EYA2: variants seen among roughly 807,000 people sequenced by gnomAD.
EYA2 encodes EYA transcriptional coactivator and phosphatase 2.
Under a neutral mutation model 69.2 loss-of-function variants are expected in EYA2, and 31 were observed. The ratio of observed to expected loss-of-function variants is 0.45; its 90% CI spans 0.34 to 0.60. EYA2 has a LOEUF of 0.60. Among genes scored for constraint, EYA2 ranks in the 20% least tolerant of loss-of-function variants. EYA2 has a pLI of 0.02. For missense variants in EYA2, 622 were observed against 701.2 expected (o/e 0.89, Z 1.28); for synonymous variants, 257 against 279.4 (o/e 0.92, Z 0.80).
At chr20:47,051,019 A>T (rs2030303649) in intron 5 of EYA2, among the ~76,000 whole-genome samples, 1 of 152,228 alleles carries the variant, frequency 6.6e-6, no homozygotes, top group Non-Finnish European at 1.5e-5. Flanking sequence ...ATCAGTTTGG[A>T]AAAGGTTGTC....
intron 1 of EYA2, among the ~76,000 whole-genome samples, chr20:46,939,600 T>C (rs146693467): frequency 1.3e-5 from 2 of 152,190 alleles, no homozygotes; most frequent in East Asian, 1.9e-4. Flanking sequence ...GACTAATACA[T>C]GCATCTTCCA....
At chr20:46,985,445 C>G (rs1405845546) in intron 1 of EYA2, among the ~76,000 whole-genome samples, 2 of 152,236 alleles carry the variant, frequency 1.3e-5, no homozygotes, top group Non-Finnish European at 1.5e-5. Flanking sequence ...TTAAAATCAA[C>G]AAATGCTGTT....
At chr20:47,162,885 T>C (rs2034099657) in intron 10 of EYA2, among the ~76,000 whole-genome samples, 1 of 152,122 alleles carries the variant, frequency 6.6e-6, no homozygotes, top group African/African-American at 2.4e-5. Context: ...CCAATCCCAG[T>C]GACTCCCCAT....
At chr20:46,944,193 G>C (rs1329499493) in intron 1 of EYA2, among the ~76,000 whole-genome samples, 1 of 152,176 alleles carries the variant, frequency 6.6e-6, no homozygotes, top group African/African-American at 2.4e-5. Context: ...AGGATGTCAT[G>C]GTCCTGTTTT....
chr20:47,159,375 C>A (rs1343245990), intron 10 of EYA2, among the ~76,000 whole-genome samples: 1 of 151,942 alleles, frequency 6.6e-6, no homozygotes, highest in Non-Finnish European at 1.5e-5. Flanking sequence ...AAACATTTTA[C>A]AAAATACCTG....
chr20:47,174,557 C>T (rs894131451), intron 12 of EYA2, among the ~76,000 whole-genome samples: 2 of 152,174 alleles, frequency 1.3e-5, no homozygotes, highest in Non-Finnish European at 2.9e-5. Flanking sequence ...CTTTCCCATC[C>T]GTTCTTTGGG....
At chr20:47,025,960 A>G (rs1984056694) in intron 5 of EYA2, among the ~76,000 whole-genome samples, 1 of 152,222 alleles carries the variant, frequency 6.6e-6, no homozygotes, top group Middle Eastern at 3.2e-3. Flanking sequence ...ACTGATTTGT[A>G]TTTCCTTTCC....
intron 5 of EYA2, among the ~76,000 whole-genome samples, chr20:47,020,156 T>TA (rs1983663782): frequency 5.7e-5 from 1 of 17,506 alleles, no homozygotes; most frequent in African/African-American, 1.1e-4. Flanking sequence ...AAATATATAA[T>TA]TTTTAGAAGC....
At chr20:47,154,242 A>C (rs929919065) in intron 10 of EYA2, among the ~76,000 whole-genome samples, 2 of 151,962 alleles carry the variant, frequency 1.3e-5, no homozygotes, top group Non-Finnish European at 2.9e-5. Context: ...CAGAGAGAGA[A>C]AACAGCTGTC....
intron 9 of EYA2, among the ~76,000 whole-genome samples, chr20:47,100,802 C>T (rs937984700): frequency 1.3e-5 from 2 of 152,214 alleles, no homozygotes; most frequent in African/African-American, 2.4e-5. Context: ...TAGCAACCTT[C>T]AGAGAGACCC....
chr20:47,175,102 G>A (rs2034400906), intron 12 of EYA2, among the ~76,000 whole-genome samples: 1 of 152,236 alleles, frequency 6.6e-6, no homozygotes, highest in African/African-American at 2.4e-5. Flanking sequence ...ACCCATAGCT[G>A]AGGGGAGAGC....
rs563254053 is a variant in EYA2, at chr20:47,032,811, C to T, written c.415+16514C>T. On this transcript the variant is annotated intron_variant, in intron 5 of 15. Coordinates refer to ENST00000327619, the MANE Select transcript of EYA2 (RefSeq NM_005244.5). ...TCAAGTGCTTCCTTGCTTTGGCTAT[C>T]ATGGTTAGTGTTATGGATATACCAC... Among the ~76,000 whole-genome samples the T allele has an allele frequency of 3.9e-5, 6 of 152,330 alleles. No individual in the cohort carries two copies. The East Asian group carries it at 9.6e-4, about 24-fold the overall frequency.
At chr20:47,001,313 C>T (rs965959345) in intron 2 of EYA2, 115 bp from the exon 3 acceptor site, 12 of 864,806 alleles carry the variant, frequency 1.4e-5, no homozygotes, top group East Asian at 7.3e-5. Flanking sequence ...TGGAGAAAGC[C>T]GCGGGCAGCA....
chr20:47,000,311 CA>C (rs979248952), intron 2 of EYA2, among the ~76,000 whole-genome samples: 1 of 152,210 alleles, frequency 6.6e-6, no homozygotes, highest in Non-Finnish European at 1.5e-5. Context: ...CCTCATTGCA[CA>C]GGGGGGAGCC....
chr20:46,997,768 T>C (rs1982119037), intron 2 of EYA2: 1 of 152,230 alleles, frequency 6.6e-6, no homozygotes, highest in African/African-American at 2.4e-5. Flanking sequence ...AGCAACAAGG[T>C]TGAGAACAGA....
At chr20:47,019,190 C>T (rs1983600064) in intron 5 of EYA2, among the ~76,000 whole-genome samples, 1 of 152,144 alleles carries the variant, frequency 6.6e-6, no homozygotes. Context: ...GGCCCCACCC[C>T]CCACCTCAAT....
At chr20:46,912,776 C>G (rs111903831) in intron 1 of EYA2, among the ~76,000 whole-genome samples, 3,917 of 151,018 alleles carry the variant, frequency 0.026, 66 homozygotes, top group East Asian at 0.084. Flanking sequence ...TCTCGGCTCA[C>G]TGCAAGCTCC....
chr20:47,061,132 A>G lies in EYA2; in HGVS notation c.416-11053A>G, dbSNP rs1265847932. Among the ~76,000 whole-genome samples the G allele has an allele frequency of 3.9e-5, 6 of 152,182 alleles. No individual in the cohort carries two copies. The East Asian group carries it at 1.2e-3, about 29-fold the overall frequency. ...GCCTCCCAAACTGCTGGGATTACAG[A>G]CATGAGCCACCGCACCCAGCCCAAC... On this transcript the variant is annotated intron_variant, in intron 5 of 15. Transcript: ENST00000327619.
intron 1 of EYA2, among the ~76,000 whole-genome samples, chr20:46,980,594 ATCTTT>A (rs1376674206): frequency 1.3e-5 from 2 of 152,194 alleles, no homozygotes; most frequent in East Asian, 1.9e-4. Context: ...TTAGATATGT[ATCTTT>A]TCTTTATGTT....
Sources: allele counts gnomAD v4.1 joint callset (sites outside exome capture counted in the v4.1 genomes callset), GRCh38; gene constraint gnomAD v4.1.1; transcripts MANE v1.5; gene names NCBI Gene and HGNC (gene_info 2026-07-23, HGNC 2026-07-21).